Variants in BTBD8 observed in about 807,000 individuals in gnomAD.
The protein encoded by BTBD8 is BTB domain containing 8.
Under a neutral mutation model 162.9 loss-of-function variants are expected in BTBD8, and 110 were observed. The ratio of observed to expected loss-of-function variants is 0.68; its 90% CI spans 0.58 to 0.79. BTBD8 has a LOEUF of 0.79. Among genes scored for constraint, BTBD8 ranks in the 30% least tolerant of loss-of-function variants. The pLI is 0.00. For missense variants in BTBD8, 1,905 were observed against 2,085.4 expected (o/e 0.91, Z 1.68); for synonymous variants, 667 against 716.1 (o/e 0.93, Z 1.10).
intron 2 of BTBD8, among the ~76,000 whole-genome samples, chr1:92,089,369 C>T (rs1473924607): frequency 5.9e-5 from 9 of 152,048 alleles, no homozygotes; most frequent in East Asian, 3.9e-4. Flanking sequence ...TCTTGAGAAC[C>T]GTTGCTACGT....
chr1:92,105,923 C>T (rs1453453502), intron 3 of BTBD8, among the ~76,000 whole-genome samples: 1 of 152,134 alleles, frequency 6.6e-6, no homozygotes, highest in Non-Finnish European at 1.5e-5. Context: ...GGCCAAAGCT[C>T]GGCTGCTTAT....
chr1:92,184,556 T>C lies in BTBD8; in HGVS notation c.*226T>C. ...ATTATTAGAGAAATTAGAAGACTTATAAGGAAACCCTAGCTTCAGTTTTCC... is the reference window on the plus strand; with the variant it reads ...ATTATTAGAGAAATTAGAAGACTTACAAGGAAACCCTAGCTTCAGTTTTCC... On this transcript the variant is annotated 3_prime_UTR_variant, in exon 18 of 18. Transcript: ENST00000636805. 2.8e-6 allele frequency: 1 copy of C among 361,936 alleles called. No homozygotes were observed. The allele number at this position is 361,936 out of a possible 1,614,324, so 22.4% of individuals were successfully genotyped here. A position where few individuals can be genotyped will look rare whatever the true frequency, so the allele number is the denominator to read the frequency against.
chr1:92,168,262 C>T (rs1486927559), intron 11 of BTBD8, among the ~76,000 whole-genome samples: 1 of 151,968 alleles, frequency 6.6e-6, no homozygotes, highest in Admixed American at 6.6e-5. Context: ...CATTATTTGG[C>T]ACAGCATAAC....
At chr1:92,135,064 T>A (rs1239014351) in intron 5 of BTBD8, among the ~76,000 whole-genome samples, 2 of 151,684 alleles carry the variant, frequency 1.3e-5, no homozygotes, top group Non-Finnish European at 2.9e-5. Flanking sequence ...GCTAATTTTA[T>A]ATTTTTAGTA....
At chr1:92,091,628 G>C (rs530189073) in intron 2 of BTBD8, among the ~76,000 whole-genome samples, 113 of 151,904 alleles carry the variant, frequency 7.4e-4, no homozygotes, top group African/African-American at 2.7e-3. Flanking sequence ...TCCGCCTCCC[G>C]GTCGCCATTC....
chr1:92,087,367 A>C (rs1206899809), intron 1 of BTBD8, among the ~76,000 whole-genome samples: 1 of 152,192 alleles, frequency 6.6e-6, no homozygotes, highest in Non-Finnish European at 1.5e-5. Flanking sequence ...TTCTATTTCA[A>C]TTAAAGTTTG....
chr1:92,178,164 TA>T (rs1650776980), intron 15 of BTBD8, 147 bp from the exon 16 acceptor site: 1 of 674,184 alleles, frequency 1.5e-6, no homozygotes, highest in Non-Finnish European at 2.5e-6. Flanking sequence ...TTTATAAACT[TA>T]AAAAGACTTA....
intron 2 of BTBD8, among the ~76,000 whole-genome samples, chr1:92,089,805 G>C (rs1188795218): frequency 1.3e-5 from 2 of 152,084 alleles, no homozygotes; most frequent in Non-Finnish European, 2.9e-5. Flanking sequence ...TTTGGGGTTG[G>C]GGGGACACAA....
At chr1:92,102,419 C>A (rs1352606856) in intron 2 of BTBD8, 54 bp from the exon 3 acceptor site, 14 of 1,203,590 alleles carry the variant, frequency 1.2e-5, no homozygotes, top group African/African-American at 1.6e-5. Flanking sequence ...AGCATTCTTT[C>A]TTTTTAAGAA....
At chr1:92,102,750 A>G in intron 3 of BTBD8, 81 bp downstream of exon 3, 4 of 1,234,362 alleles carry the variant, frequency 3.2e-6, no homozygotes, top group Non-Finnish European at 4.2e-6. Flanking sequence ...GCATACTTCA[A>G]AAATATGCTT....
chr1:92,119,341 A>G (rs1649130730), intron 4 of BTBD8, among the ~76,000 whole-genome samples: 1 of 144,396 alleles, frequency 6.9e-6, no homozygotes, highest in Non-Finnish European at 1.5e-5. Flanking sequence ...GCTGGAGTAC[A>G]GTGACGCGAT....
intron 2 of BTBD8, among the ~76,000 whole-genome samples, chr1:92,099,145 G>A (rs1648524412): frequency 6.6e-6 from 1 of 152,080 alleles, no homozygotes; most frequent in Non-Finnish European, 1.5e-5. Flanking sequence ...ATTTATGGGG[G>A]AGACTGTTCT....
At chr1:92,134,883 A>G (rs1288759292) in intron 5 of BTBD8, among the ~76,000 whole-genome samples, 1 of 117,006 alleles carries the variant, frequency 8.5e-6, no homozygotes, top group Non-Finnish European at 1.7e-5. Context: ...TATTTAATTA[A>G]TTAATTAATT....
intron 6 of BTBD8, among the ~76,000 whole-genome samples, chr1:92,140,687 CT>C (rs1649756025): frequency 6.6e-6 from 1 of 152,234 alleles, no homozygotes; most frequent in African/African-American, 2.4e-5. Context: ...TGGATGCTAT[CT>C]CCAATCTTAG....
At chr1:92,111,835 A>G (rs542823470) in intron 4 of BTBD8, among the ~76,000 whole-genome samples, 1 of 152,250 alleles carries the variant, frequency 6.6e-6, no homozygotes, top group African/African-American at 2.4e-5. Context: ...GTCTTATATC[A>G]GGGGGCAAAC....
At chr1:92,093,535 G>A (rs1648372066) in intron 2 of BTBD8, among the ~76,000 whole-genome samples, 2 of 152,136 alleles carry the variant, frequency 1.3e-5, no homozygotes, top group African/African-American at 4.8e-5. Flanking sequence ...CCTAGTAGGT[G>A]ATAGAGAGTT....
chr1:92,089,447 CTG>C (rs1361716295), intron 2 of BTBD8, among the ~76,000 whole-genome samples: 6 of 152,126 alleles, frequency 3.9e-5, no homozygotes, highest in Admixed American at 3.3e-4. Flanking sequence ...AACGTCATAA[CTG>C]TTTTTATTCT....
rs779361030 is a variant in BTBD8, at chr1:92,181,760, G to A, written c.4077G>A (p.Arg1359=). 2.5e-5 allele frequency: 39 copies of A among 1,551,222 alleles called. No individual in the cohort carries two copies. The highest frequency in any genetic ancestry group is 3.0e-5 in the Non-Finnish European group (34 of 1,146,944). The part of the protein sequence containing the change: ...IWSRSAIVHS[R]ERENIPRGSV... ...CTCGATCTGCAATAGTTCACTCTAG[G>A]GAAAGAGAAAATATTCCACGAGGCA... The change falls in exon 17 of 18, where the codon AGG becomes AGA. Residue 1359 remains arginine (R), a synonymous_variant. Coordinates refer to ENST00000636805, the MANE Select transcript of BTBD8 (RefSeq NM_001376131.1).
chr1:92,095,987 T>TA (rs1648441420), intron 2 of BTBD8, among the ~76,000 whole-genome samples: 1 of 151,636 alleles, frequency 6.6e-6, no homozygotes, highest in Non-Finnish European at 1.5e-5. Context: ...TTTTTTTTTT[T>TA]CTGAGACAGA....
Sources: gnomAD v4.1 joint callset for allele counts (sites outside exome capture counted in the v4.1 genomes callset) on GRCh38, gnomAD v4.1.1 for gene constraint, MANE v1.5 for transcripts, NCBI Gene and HGNC (gene_info 2026-07-23, HGNC 2026-07-21) for gene names.